Variants in FBXW7 observed in about 807,000 individuals in gnomAD.
FBXW7 encodes the protein F-box/WD repeat-containing protein 7.
Under a neutral mutation model 86.3 loss-of-function variants are expected in FBXW7, and 11 were observed. The observed-to-expected ratio is 0.13, with a 90% CI of 0.08 to 0.21. FBXW7 has a LOEUF of 0.21. FBXW7 is among the 10% of genes least tolerant of loss of function. The probability of loss-of-function intolerance (pLI) is 1.00; values close to 1 mark genes in which losing one functional copy is unlikely to be tolerated. For synonymous variants in FBXW7, 313 were observed against 297.9 expected (o/e 1.05, Z -0.52); for missense variants, 488 against 847.4 (o/e 0.58, Z 5.27).
intron 4 of FBXW7, chr4:152,382,629 T>C (rs553372783): frequency 3.1e-4 from 102 of 332,464 alleles, no homozygotes; most frequent in Middle Eastern, 1.1e-3. Context: ...AAGTCAGTAA[T>C]GTGAACACAA....
intron 2 of FBXW7, among the ~76,000 whole-genome samples, chr4:152,518,310 A>G (rs1273998925): frequency 6.6e-6 from 1 of 151,948 alleles, no homozygotes; most frequent in East Asian, 1.9e-4. Context: ...TTATTTATAT[A>G]TTTGAAACAG....
chr4:152,478,045 CTT>C (rs772930024), intron 2 of FBXW7, among the ~76,000 whole-genome samples: 5 of 151,972 alleles, frequency 3.3e-5, no homozygotes, highest in Non-Finnish European at 7.4e-5. Flanking sequence ...AAAATACAAA[CTT>C]TTACTTTAAA....
chr4:152,453,074 C>T (rs925015534), intron 2 of FBXW7, among the ~76,000 whole-genome samples: 6 of 152,084 alleles, frequency 3.9e-5, no homozygotes, highest in Non-Finnish European at 7.4e-5. Flanking sequence ...ATCCCAGCTA[C>T]TCGGGAGGCT....
chr4:152,496,090 T>C (rs990727331), intron 2 of FBXW7, among the ~76,000 whole-genome samples: 2 of 152,060 alleles, frequency 1.3e-5, no homozygotes, highest in African/African-American at 2.4e-5. Context: ...GGTGGGAGAA[T>C]TGCTTGAACC....
chr4:152,347,112 A>C lies in FBXW7; in HGVS notation c.585-41T>G. 1.9e-6 allele frequency: 3 copies of C among 1,553,670 alleles called. No individual in the cohort carries two copies. In the South Asian group the frequency reaches 3.6e-5, roughly 19 times the overall value. ...AAAGAGAGAGAGAAAGGATAAAAGG[A>C]AAAAAACAAAAGTGAAAGCAAAGAT... On this transcript the variant is annotated intron_variant, in intron 5 of 13. Coordinates refer to ENST00000281708, the MANE Select transcript of FBXW7 (RefSeq NM_001349798.2).
Position 152,460,237 on chromosome 4 carries a change from C to T in FBXW7, c.-119-47708G>A, listed in dbSNP as rs183177836. Among the ~76,000 whole-genome samples, 63 of 152,246 alleles carry T rather than the reference C, an allele frequency of 4.1e-4. 1 individual carries two copies. In the East Asian group the frequency reaches 0.01, roughly 25 times the overall value. ...TATACCATGTTCATAAGTTAGAAGACTATTAACACGTTAATTTGTATGTCA... is the reference window on the plus strand; with the variant it reads ...TATACCATGTTCATAAGTTAGAAGATTATTAACACGTTAATTTGTATGTCA... On this transcript the variant is annotated intron_variant, in intron 2 of 13. Coordinates refer to ENST00000281708, the MANE Select transcript of FBXW7 (RefSeq NM_001349798.2).
chr4:152,481,021 C>G (rs1166304510), intron 2 of FBXW7, among the ~76,000 whole-genome samples: 1 of 152,178 alleles, frequency 6.6e-6, no homozygotes, highest in African/African-American at 2.4e-5. Flanking sequence ...GATGAAATAA[C>G]TCTCTACTGG....
chr4:152,466,022 T>A (rs1248894554), intron 2 of FBXW7, among the ~76,000 whole-genome samples: 1 of 152,116 alleles, frequency 6.6e-6, no homozygotes, highest in East Asian at 1.9e-4. Context: ...TCAAATAACA[T>A]GAAAGGTAAG....
chr4:152,362,091 C>G (rs898831348), intron 4 of FBXW7, among the ~76,000 whole-genome samples: 3 of 151,770 alleles, frequency 2.0e-5, no homozygotes, highest in African/African-American at 7.3e-5. Context: ...AGTTTCCCAC[C>G]AGTTGCATGA....
At chr4:152,357,889 T>G (rs916738659) in intron 4 of FBXW7, among the ~76,000 whole-genome samples, 3 of 152,096 alleles carry the variant, frequency 2.0e-5, no homozygotes, top group Admixed American at 1.3e-4. Context: ...TAAAATAATA[T>G]GGGGGTTTTA....
chr4:152,340,575 CAAAAAAA>C (rs556530800), intron 6 of FBXW7, among the ~76,000 whole-genome samples: 5 of 31,914 alleles, frequency 1.6e-4, no homozygotes, highest in Non-Finnish European at 3.1e-4. Flanking sequence ...AACTCCATCT[CAAAAAAA>C]AAAAAAAAAA....
intron 2 of FBXW7, among the ~76,000 whole-genome samples, chr4:152,417,270 C>T (rs1261102788): frequency 3.3e-5 from 5 of 152,148 alleles, no homozygotes; most frequent in Admixed American, 6.6e-5. Flanking sequence ...TGCACACATA[C>T]GTAAGGCCCA....
chr4:152,418,168 C>T (rs950729271), intron 2 of FBXW7, among the ~76,000 whole-genome samples: 4 of 148,762 alleles, frequency 2.7e-5, no homozygotes, highest in African/African-American at 9.9e-5. Context: ...CACACAAAAT[C>T]CACTTAGCAG....
At chr4:152,528,122 C>G (rs1749693789) in intron 2 of FBXW7, among the ~76,000 whole-genome samples, 1 of 152,004 alleles carries the variant, frequency 6.6e-6, no homozygotes, top group African/African-American at 2.4e-5. Context: ...AGCAGTCATG[C>G]AGAAATGAAC....
chr4:152,534,267 AG>A (rs139523161), intron 2 of FBXW7, among the ~76,000 whole-genome samples: 6,564 of 149,852 alleles, frequency 0.044, 475 homozygotes, highest in African/African-American at 0.15. Context: ...AAAAAAAAAA[AG>A]GGGGGGGTGA....
chr4:152,409,866 A>C (rs977895928), intron 4 of FBXW7, among the ~76,000 whole-genome samples: 1 of 152,158 alleles, frequency 6.6e-6, no homozygotes, highest in African/African-American at 2.4e-5. Flanking sequence ...ACAGGACAAT[A>C]ATTGTTATTC....
At chr4:152,435,969 G>A (rs193016567) in intron 2 of FBXW7, among the ~76,000 whole-genome samples, 5 of 152,158 alleles carry the variant, frequency 3.3e-5, no homozygotes. Context: ...CATGGAAGAC[G>A]GCAAAAATGT....
chr4:152,379,859 T>G (rs991814387), intron 4 of FBXW7, among the ~76,000 whole-genome samples: 22 of 152,316 alleles, frequency 1.4e-4, no homozygotes, highest in African/African-American at 4.8e-4. Context: ...ATTAATTTCC[T>G]GAAAATATTT....
chr4:152,409,781 C>T (rs1269267954), intron 4 of FBXW7, among the ~76,000 whole-genome samples: 1 of 151,112 alleles, frequency 6.6e-6, no homozygotes, highest in East Asian at 1.9e-4. Context: ...CTATACTGTA[C>T]ATGTGTATAT....
Sources: allele counts gnomAD v4.1 joint callset (sites outside exome capture counted in the v4.1 genomes callset), GRCh38; gene constraint gnomAD v4.1.1; transcripts MANE v1.5; gene names NCBI Gene and HGNC (gene_info 2026-07-23, HGNC 2026-07-21).